The following FAT4 variants were observed in gnomAD, a reference collection of about 807,000 sequenced individuals.
The protein encoded by FAT4 is protocadherin Fat 4.
A neutral mutation model predicts 303.9 loss-of-function variants in FAT4; 84 were observed. That is an observed-to-expected ratio of 0.28 (90% CI 0.23 to 0.33). The LOEUF is 0.33. FAT4 is among the 10% of genes least tolerant of loss of function. The pLI is 1.00. For missense variants in FAT4, 6,005 were observed against 6,146.8 expected, an observed-to-expected ratio of 0.98 and a Z score of 0.77; for synonymous variants, 2,307 against 2,298.8, an observed-to-expected ratio of 1.00 and a Z score of -0.10.
At chr4:125,435,496 GTTGT>G (rs1725420389) in intron 8 of FAT4, among the ~76,000 whole-genome samples, 2 of 152,236 alleles carry the variant, frequency 1.3e-5, no homozygotes, top group Non-Finnish European at 2.9e-5. Context: ...GTCTTATTTT[GTTGT>G]TTGTTACCAA....
At chr4:125,436,007 A>C (rs1725436371) in intron 8 of FAT4, among the ~76,000 whole-genome samples, 1 of 134,144 alleles carries the variant, frequency 7.5e-6, no homozygotes, top group Admixed American at 8.3e-5. Context: ...GATGTGAGAC[A>C]GGAAGGGGAA....
intron 2 of FAT4, among the ~76,000 whole-genome samples, chr4:125,361,357 A>C (rs1324803700): frequency 6.6e-6 from 1 of 152,214 alleles, no homozygotes; most frequent in Non-Finnish European, 1.5e-5. Context: ...GATCCATCAA[A>C]TTGTTAATCC....
chr4:125,345,204 G>A (rs1470240848), intron 2 of FAT4, among the ~76,000 whole-genome samples: 3 of 152,114 alleles, frequency 2.0e-5, no homozygotes, highest in African/African-American at 7.2e-5. Context: ...TGGAGGAAAA[G>A]TGAATGGAGC....
rs150697106 is a variant in FAT4, at chr4:125,396,720, A to G, written c.5176-2064A>G. On this transcript the variant is annotated intron_variant, in intron 2 of 17. Coordinates refer to ENST00000394329, the MANE Select transcript of FAT4 (RefSeq NM_001291303.3). Reference sequence around the variant, plus strand: ...TCCCAATAAAGTCATAAGATTACAGATGAAAGACAATTTAGAATTTTTTAA... The same window carrying G: ...TCCCAATAAAGTCATAAGATTACAGGTGAAAGACAATTTAGAATTTTTTAA... 4.5e-3 allele frequency among the ~76,000 whole-genome samples: 687 copies of G among 152,240 alleles called. 4 individuals carry two copies. Among genetic ancestry groups the G allele is most frequent in the African/African-American group, 0.015 (642 of 41,554 alleles).
chr4:125,449,261 G>C lies in FAT4; in HGVS notation c.8251G>C (p.Gly2751Arg), dbSNP rs1469626568. ...CCTAACCATAAAATCATCAGACAAA[G>C]GGTCCCCGTCTCAGAGTACTTCAGT... ...YVLTIKSSDK[G>R]SPSQSTSVKV... The change falls in exon 10 of 18, where the codon GGG becomes CGG. Residue 2751 changes from glycine to arginine, a missense_variant. Gly to Arg is a moderately radical substitution (Grantham distance 125). Coordinates refer to ENST00000394329, the MANE Select transcript of FAT4 (RefSeq NM_001291303.3). 5 of 1,613,854 alleles carry C rather than the reference G, an allele frequency of 3.1e-6. No homozygotes were observed. The highest frequency in any genetic ancestry group is 3.4e-6 in the Non-Finnish European group (4 of 1,179,894).
chr4:125,365,934 GC>G (rs1159446530), intron 2 of FAT4, among the ~76,000 whole-genome samples: 1 of 152,070 alleles, frequency 6.6e-6, no homozygotes, highest in East Asian at 1.9e-4. Flanking sequence ...GAGGTGAGCG[GC>G]AGGCTAACGA....
intron 8 of FAT4, among the ~76,000 whole-genome samples, chr4:125,436,467 T>A (rs1295666159): frequency 6.6e-6 from 1 of 152,136 alleles, no homozygotes; most frequent in South Asian, 2.1e-4. Flanking sequence ...GATATACACA[T>A]TTGAGAGTCA....
At chr4:125,382,184 G>A (rs1394721413) in intron 2 of FAT4, among the ~76,000 whole-genome samples, 2 of 152,158 alleles carry the variant, frequency 1.3e-5, no homozygotes, top group Non-Finnish European at 2.9e-5. Flanking sequence ...AATCACAAAT[G>A]TCTTTAATGG....
At position 125,320,726 on chromosome 4, in the gene FAT4, G is replaced by C; in HGVS notation, c.4315G>C (p.Val1439Leu). ...IVENIPIGTS[V>L]ISVTAHDPDA... ...TGAGAACATTCCCATCGGTACATCT[G>C]TCATTTCAGTGACTGCACATGACCC... The change falls in exon 2 of 18, where the codon GTC becomes CTC. Residue 1439 changes from valine to leucine, a missense_variant. Coordinates refer to ENST00000394329, the MANE Select transcript of FAT4 (RefSeq NM_001291303.3). 2 of 1,614,150 alleles carry C rather than the reference G, an allele frequency of 1.2e-6. No individual in the cohort carries two copies. The highest frequency in any genetic ancestry group is 1.7e-6 in the Non-Finnish European group (2 of 1,179,976).
intron 2 of FAT4, among the ~76,000 whole-genome samples, chr4:125,323,036 CACAA>C (rs1731016189): frequency 6.6e-6 from 1 of 152,068 alleles, no homozygotes; most frequent in South Asian, 2.1e-4. Context: ...CTTCTAAACC[CACAA>C]TCCTCTCTCT....
chr4:125,386,060 A>G (rs1183754894), intron 2 of FAT4, among the ~76,000 whole-genome samples: 1 of 152,108 alleles, frequency 6.6e-6, no homozygotes, highest in Non-Finnish European at 1.5e-5. Context: ...TAGGACTTTC[A>G]TTACTCAATG....
intron 2 of FAT4, among the ~76,000 whole-genome samples, chr4:125,386,932 T>G (rs951099473): frequency 3.3e-5 from 5 of 152,114 alleles, no homozygotes; most frequent in African/African-American, 1.2e-4. Flanking sequence ...AGGGTGGTTT[T>G]GGGATGAAAG....
chr4:125,376,628 G>C (rs184656256), intron 2 of FAT4, among the ~76,000 whole-genome samples: 1 of 152,152 alleles, frequency 6.6e-6, no homozygotes, highest in African/African-American at 2.4e-5. Flanking sequence ...GGCCTGGCGC[G>C]GTGGCTCATG....
At chr4:125,448,233 CTG>C (rs1437283395) in intron 9 of FAT4, among the ~76,000 whole-genome samples, 2 of 152,056 alleles carry the variant, frequency 1.3e-5, no homozygotes, top group African/African-American at 4.8e-5. Context: ...ATCCAACAGA[CTG>C]TATAAATTTT....
intron 2 of FAT4, among the ~76,000 whole-genome samples, chr4:125,372,603 A>C (rs972520345): frequency 2.0e-5 from 3 of 152,190 alleles, no homozygotes. Flanking sequence ...GCTTAAAAAA[A>C]AGGGAGGGTC....
At chr4:125,368,609 A>C (rs1732980221) in intron 2 of FAT4, among the ~76,000 whole-genome samples, 1 of 150,728 alleles carries the variant, frequency 6.6e-6, no homozygotes, top group Non-Finnish European at 1.5e-5. Flanking sequence ...TCTGAAACTC[A>C]AAACTGAATG....
chr4:125,335,964 C>T (rs1412605752), intron 2 of FAT4, among the ~76,000 whole-genome samples: 6 of 151,986 alleles, frequency 3.9e-5, no homozygotes, highest in Non-Finnish European at 7.4e-5. Context: ...GTTGATGCTA[C>T]ATTCAGTTAT....
At chr4:125,325,226 G>A (rs780183785) in intron 2 of FAT4, among the ~76,000 whole-genome samples, 11 of 152,028 alleles carry the variant, frequency 7.2e-5, no homozygotes, top group African/African-American at 2.4e-4. Context: ...CATTTATCTC[G>A]CATTCGTAAT....
At chr4:125,453,628 T>C (rs1308955130) in intron 10 of FAT4, among the ~76,000 whole-genome samples, 2 of 151,510 alleles carry the variant, frequency 1.3e-5, no homozygotes, top group African/African-American at 2.4e-5. Context: ...ATCACTTAAA[T>C]TCGGGAGGCA....
Sources: gnomAD v4.1 joint callset for allele counts (sites outside exome capture counted in the v4.1 genomes callset) on GRCh38, gnomAD v4.1.1 for gene constraint, MANE v1.5 for transcripts, NCBI Gene and HGNC (gene_info 2026-07-23, HGNC 2026-07-21) for gene names.